NR3C2: variants seen among roughly 807,000 people sequenced by gnomAD.
NR3C2 encodes mineralocorticoid receptor.
Under a neutral mutation model 86.4 loss-of-function variants are expected in NR3C2, and 15 were observed. The observed-to-expected ratio is 0.17, with a 90% CI of 0.12 to 0.27. NR3C2 has a LOEUF of 0.27. Among genes scored for constraint, NR3C2 ranks in the 10% least tolerant of loss-of-function variants. The pLI is 1.00. For synonymous variants in NR3C2, 458 were observed against 450.5 expected (o/e 1.02, Z -0.21); for missense variants, 960 against 1,195.6 (o/e 0.80, Z 2.91).
intron 2 of NR3C2, among the ~76,000 whole-genome samples, chr4:148,432,358 A>G (rs1289695263): frequency 6.6e-6 from 1 of 152,196 alleles, no homozygotes; most frequent in Non-Finnish European, 1.5e-5. Context: ...ATACTGAAAA[A>G]TAACACTGAA....
chr4:148,182,126 T>A (rs1029175503), intron 4 of NR3C2, among the ~76,000 whole-genome samples: 1 of 152,212 alleles, frequency 6.6e-6, no homozygotes, highest in Non-Finnish European at 1.5e-5. Flanking sequence ...AAAGAGATAG[T>A]AAAGAAGAAG....
chr4:148,435,777 G>A lies in NR3C2; in HGVS notation c.1084C>T (p.Pro362Ser). 1 of 1,614,128 alleles carries A rather than the reference G, an allele frequency of 6.2e-7. No individual in the cohort carries two copies. Among genetic ancestry groups the A allele is most frequent in the Non-Finnish European group, 8.5e-7 (1 of 1,180,028 alleles). Residue 362 changes from proline to serine, a missense_variant, in exon 2 of 9, where the codon CCA (proline) becomes TCA (serine). Pro to Ser is a moderately conservative substitution (Grantham distance 74, BLOSUM62 -1). Around this residue, in one of 4 missense-constraint regions of NR3C2, gnomAD observed 680 missense variants for 719.0 expected, o/e 0.95. Coordinates refer to ENST00000358102, the MANE Select transcript of NR3C2 (RefSeq NM_000901.5). ...TGAGCACCTTTCTCCTGCGTGTCTG[G>A]ACTGGGAACCACATCCCGCAATGTA... The part of the protein sequence containing the change: ...SSTLRDVVPS[P>S]DTQEKGAQEV...
chr4:148,122,563 T>C (rs185989967), intron 6 of NR3C2, among the ~76,000 whole-genome samples: 2 of 152,314 alleles, frequency 1.3e-5, no homozygotes, highest in Non-Finnish European at 2.9e-5. Context: ...TTTAACTTAC[T>C]TTCCTTCCTC....
At chr4:148,183,646 T>C (rs1315588904) in intron 4 of NR3C2, among the ~76,000 whole-genome samples, 1 of 152,166 alleles carries the variant, frequency 6.6e-6, no homozygotes, top group Non-Finnish European at 1.5e-5. Context: ...ATGTATCTCA[T>C]AGTGTTGCTG....
At chr4:148,416,284 G>A (rs1369006281) in intron 2 of NR3C2, among the ~76,000 whole-genome samples, 1 of 152,134 alleles carries the variant, frequency 6.6e-6, no homozygotes, top group African/African-American at 2.4e-5. Context: ...TGGATCTTTT[G>A]AGGTATATAA....
chr4:148,095,970 CA>C (rs1158031783), intron 8 of NR3C2, among the ~76,000 whole-genome samples: 4 of 152,228 alleles, frequency 2.6e-5, no homozygotes, highest in Admixed American at 6.5e-5. Flanking sequence ...GATCTCTGGT[CA>C]GGGGTGAATA....
intron 8 of NR3C2, among the ~76,000 whole-genome samples, chr4:148,098,569 G>C (rs905008498): frequency 6.6e-6 from 1 of 152,190 alleles, no homozygotes; most frequent in African/African-American, 2.4e-5. Flanking sequence ...GTTTGACCTT[G>C]CCAGGAACAT....
chr4:148,429,174 C>A (rs1749687029), intron 2 of NR3C2, among the ~76,000 whole-genome samples: 1 of 152,182 alleles, frequency 6.6e-6, no homozygotes, highest in African/African-American at 2.4e-5. Flanking sequence ...TCCCCATTTT[C>A]CAAGACTTGC....
intron 2 of NR3C2, among the ~76,000 whole-genome samples, chr4:148,311,301 C>A (rs1489108225): frequency 6.6e-6 from 1 of 152,124 alleles, no homozygotes; most frequent in East Asian, 1.9e-4. Flanking sequence ...TCATCATATC[C>A]ACGTAAATGT....
upstream of NR3C2, chr4:148,443,949 G>T: frequency 1.0e-6 from 1 of 970,322 alleles, no homozygotes; most frequent in Non-Finnish European, 1.2e-6. Flanking sequence ...GCCGCGAGCT[G>T]GTCCTGACCC....
intron 3 of NR3C2, among the ~76,000 whole-genome samples, chr4:148,198,936 C>T (rs541959875): frequency 6.6e-5 from 10 of 151,644 alleles, no homozygotes; most frequent in African/African-American, 2.2e-4. Flanking sequence ...AAAAATTAGC[C>T]GGGCATGGTG....
intron 2 of NR3C2, among the ~76,000 whole-genome samples, chr4:148,265,684 T>G (rs1740349589): frequency 6.6e-6 from 1 of 152,218 alleles, no homozygotes; most frequent in African/African-American, 2.4e-5. Context: ...GGCTACAGTG[T>G]TTTCTGTTTT....
chr4:148,283,115 C>A (rs1741330692), intron 2 of NR3C2, among the ~76,000 whole-genome samples: 1 of 152,152 alleles, frequency 6.6e-6, no homozygotes, highest in Non-Finnish European at 1.5e-5. Context: ...AGTAAACAAT[C>A]AGACTAATTG....
chr4:148,175,248 C>T (rs1200610653), intron 4 of NR3C2, among the ~76,000 whole-genome samples: 1 of 152,176 alleles, frequency 6.6e-6, no homozygotes. Context: ...AAGAAGAATG[C>T]TGCCAATGTC....
chr4:148,208,335 A>G lies in NR3C2; in HGVS notation c.1898-13473T>C, dbSNP rs374070128. The G allele has an allele frequency of 3.9e-5, 6 of 152,384 alleles. No homozygotes were observed. The East Asian group carries it at 9.6e-4, about 24-fold the overall frequency. The allele number at this position is 152,384 out of a possible 1,614,324, so 9.4% of individuals were successfully genotyped here. A position where few individuals can be genotyped will look rare whatever the true frequency, so the allele number is the denominator to read the frequency against. On this transcript the variant is annotated intron_variant, in intron 3 of 8. Transcript: ENST00000358102. ...ACTGTATTCAGCCCTGTTCAGGTCA[A>G]TCCCAACTTTGGGCAGAAGGATCCA...
chr4:148,149,344 C>T (rs895344871), intron 6 of NR3C2, among the ~76,000 whole-genome samples: 1 of 150,332 alleles, frequency 6.7e-6, no homozygotes, highest in Admixed American at 6.6e-5. Flanking sequence ...CTTATATGAC[C>T]TTTTCTTTTT....
At chr4:148,356,571 G>A (rs72656859) in intron 2 of NR3C2, among the ~76,000 whole-genome samples, 3 of 152,076 alleles carry the variant, frequency 2.0e-5, no homozygotes, top group Admixed American at 6.6e-5. Flanking sequence ...ACTGTAAGTT[G>A]GAATTTGCTA....
chr4:148,355,042 G>C lies in NR3C2; in HGVS notation c.1757+80062C>G, dbSNP rs374259420. Among the ~76,000 whole-genome samples the C allele has an allele frequency of 4.9e-4, 75 of 152,228 alleles. 1 individual carries two copies. The South Asian group carries it at 0.015, about 30-fold the overall frequency. ...TTTCAATAAAGGGAGGACAATAACA[G>C]TTTTAATGGAATTGAACAAAATTAA... is the stretch of plus-strand genomic sequence containing the variant. On this transcript the variant is annotated intron_variant, in intron 2 of 8. Coordinates refer to ENST00000358102, the MANE Select transcript of NR3C2 (RefSeq NM_000901.5).
At chr4:148,081,568 A>C (rs1424048164) in intron 8 of NR3C2, 69 bp from the exon 9 acceptor site, 2 of 1,606,314 alleles carry the variant, frequency 1.2e-6, no homozygotes, top group Non-Finnish European at 1.7e-6. Flanking sequence ...CTGCCTTCTG[A>C]CTTTGGTGGG....
Sources: gnomAD v4.1 joint callset for allele counts (sites outside exome capture counted in the v4.1 genomes callset) on GRCh38, gnomAD v4.1.1 for gene constraint, gnomAD v4.1.1 regional missense constraint, MANE v1.5 for transcripts, NCBI Gene and HGNC (gene_info 2026-07-23, HGNC 2026-07-21) for gene names.